The following RBFOX1 variants were observed in gnomAD, a reference collection of about 807,000 sequenced individuals.
RBFOX1 encodes the protein RNA binding fox-1 homolog 1.
Under a neutral mutation model 57.7 loss-of-function variants are expected in RBFOX1, and 8 were observed. The ratio of observed to expected loss-of-function variants is 0.14; its 90% CI spans 0.08 to 0.25. The LOEUF (loss-of-function observed/expected upper bound fraction) is 0.25, where lower values mean the gene tolerates loss of function less well. RBFOX1 is among the 10% of genes least tolerant of loss of function. The pLI, the probability that RBFOX1 is intolerant of heterozygous loss-of-function variation, is 1.00. For missense variants in RBFOX1, 611 were observed against 548.5 expected (o/e 1.11, Z -1.14); for synonymous variants, 326 against 222.4 (o/e 1.47, Z -4.15).
chr16:5,803,836 T>G (rs1402893034), intron 3 of RBFOX1, among the ~76,000 whole-genome samples: 1 of 152,196 alleles, frequency 6.6e-6, no homozygotes, highest in African/African-American at 2.4e-5. Context: ...GTTGCTTCTT[T>G]CCTCTCCTGG....
At chr16:5,979,460 C>A (rs1445188113) in intron 4 of RBFOX1, among the ~76,000 whole-genome samples, 1 of 152,130 alleles carries the variant, frequency 6.6e-6, no homozygotes, top group Non-Finnish European at 1.5e-5. Context: ...GGGCTTAACA[C>A]CATAATAACT....
At chr16:6,565,515 C>T (rs931522690) in intron 2 of RBFOX1, among the ~76,000 whole-genome samples, 1 of 151,212 alleles carries the variant, frequency 6.6e-6, no homozygotes, top group Non-Finnish European at 1.5e-5. Flanking sequence ...CTTCGGCTTC[C>T]CAAAGTGCTC....
chr16:7,430,477 A>G (rs768797729), intron 4 of RBFOX1, among the ~76,000 whole-genome samples: 1 of 152,080 alleles, frequency 6.6e-6, no homozygotes, highest in Non-Finnish European at 1.5e-5. Context: ...CTGGCTAACA[A>G]GGTGAAACCC....
At chr16:5,790,004 TC>T (rs2054635066) in intron 3 of RBFOX1, among the ~76,000 whole-genome samples, 1 of 152,162 alleles carries the variant, frequency 6.6e-6, no homozygotes, top group Non-Finnish European at 1.5e-5. Flanking sequence ...TTTATTTCTC[TC>T]CCATGTGATG....
chr16:6,264,960 C>G (rs972248486), intron 1 of RBFOX1, among the ~76,000 whole-genome samples: 1 of 152,168 alleles, frequency 6.6e-6, no homozygotes, highest in Admixed American at 6.5e-5. Flanking sequence ...TGGGAACCGA[C>G]TCTGATAAGA....
At chr16:6,621,974 T>A (rs1233630731) in intron 2 of RBFOX1, among the ~76,000 whole-genome samples, 1 of 152,158 alleles carries the variant, frequency 6.6e-6, no homozygotes, top group Non-Finnish European at 1.5e-5. Context: ...GCTACATAAT[T>A]GCTGCTAGGT....
chr16:5,932,596 A>G (rs1399919409), intron 4 of RBFOX1, among the ~76,000 whole-genome samples: 1 of 152,164 alleles, frequency 6.6e-6, no homozygotes, highest in East Asian at 1.9e-4. Context: ...GCAGCAATAG[A>G]AAACAAACAC....
intron 2 of RBFOX1, among the ~76,000 whole-genome samples, chr16:5,564,466 AT>A (rs1350024727): frequency 6.6e-6 from 1 of 151,860 alleles, no homozygotes; most frequent in Admixed American, 6.6e-5. Flanking sequence ...CCATTCATTT[AT>A]TTTTTTGGTC....
exon 3 of RBFOX1, chr16:5,599,422 C>T: frequency 1.8e-6 from 1 of 568,012 alleles, no homozygotes; most frequent in Non-Finnish European, 3.1e-6. Context: ...GGGTACATAA[C>T]CTGGGATGAT....
intron 1 of RBFOX1, among the ~76,000 whole-genome samples, chr16:5,337,684 G>A (rs2064932073): frequency 6.6e-6 from 1 of 152,194 alleles, no homozygotes; most frequent in South Asian, 2.1e-4. Flanking sequence ...TGTAAATCTG[G>A]AAGAGGTGAA....
intron 3 of RBFOX1, among the ~76,000 whole-genome samples, chr16:5,693,521 A>G (rs905555620): frequency 1.3e-5 from 2 of 152,078 alleles, no homozygotes; most frequent in African/African-American, 2.4e-5. Context: ...AAAAAGGTTA[A>G]AAAACTCATT....
intron 5 of RBFOX1, among the ~76,000 whole-genome samples, chr16:7,528,919 C>G (rs1304328198): frequency 6.6e-6 from 1 of 152,174 alleles, no homozygotes; most frequent in Non-Finnish European, 1.5e-5. Flanking sequence ...TTCATCTACG[C>G]TATCTTCTCG....
At chr16:7,671,100 G>C (rs1051064794) in intron 13 of RBFOX1, among the ~76,000 whole-genome samples, 1 of 152,074 alleles carries the variant, frequency 6.6e-6, no homozygotes, top group Non-Finnish European at 1.5e-5. Flanking sequence ...AATTTAACAA[G>C]TAAAGGCATT....
At chr16:7,260,201 C>A (rs2094863099) in intron 4 of RBFOX1, among the ~76,000 whole-genome samples, 1 of 152,160 alleles carries the variant, frequency 6.6e-6, no homozygotes, top group Non-Finnish European at 1.5e-5. Context: ...GAATCACATG[C>A]TTTTAGCGTA....
intron 4 of RBFOX1, among the ~76,000 whole-genome samples, chr16:7,252,897 G>C (rs181770209): frequency 6.6e-6 from 1 of 151,984 alleles, no homozygotes; most frequent in Non-Finnish European, 1.5e-5. Flanking sequence ...TGGCAGAGCC[G>C]TTATCTTAGA....
chr16:7,572,182 C>G (rs1251467378), intron 5 of RBFOX1, among the ~76,000 whole-genome samples: 2 of 152,044 alleles, frequency 1.3e-5, no homozygotes, highest in Admixed American at 1.3e-4. Context: ...AATTATGTCC[C>G]CTCTTTATAC....
rs532961497 is a variant in RBFOX1 at position 7,347,506 on chromosome 16, T to C, written c.28-170641T>C. ...AGGTTCCTGTCATGACACGTGGGAA[T>C]CGTGGGAGATACAATTCAAGATGAG... On this transcript the variant is annotated intron_variant, in intron 4 of 15. Transcript: ENST00000550418. Among the ~76,000 whole-genome samples the C allele has an allele frequency of 2.6e-5, 4 of 152,186 alleles. No individual in the cohort carries two copies. In the South Asian group the frequency reaches 6.2e-4, roughly 24 times the overall value.
At chr16:5,266,595 T>G (rs2151111742) in intron 1 of RBFOX1, among the ~76,000 whole-genome samples, 1 of 144,542 alleles carries the variant, frequency 6.9e-6, no homozygotes, top group Non-Finnish European at 1.5e-5. Context: ...TCACCCAGGC[T>G]GGAGCACAGT....
intron 4 of RBFOX1, among the ~76,000 whole-genome samples, chr16:5,992,885 C>T (rs2060425241): frequency 6.6e-6 from 1 of 152,106 alleles, no homozygotes; most frequent in Non-Finnish European, 1.5e-5. Flanking sequence ...TGCAGTGAGC[C>T]AAGATCATGC....
Sources: gnomAD v4.1 joint callset for allele counts (sites outside exome capture counted in the v4.1 genomes callset) on GRCh38, gnomAD v4.1.1 for gene constraint, MANE v1.5 for transcripts, NCBI Gene and HGNC (gene_info 2026-07-23, HGNC 2026-07-21) for gene names.